Variants in ACAD9 observed in about 807,000 individuals in gnomAD.
ACAD9 encodes the protein acyl-CoA dehydrogenase family member 9, also known as complex I assembly factor ACAD9, mitochondrial.
In ACAD9, 53 loss-of-function variants were observed where a neutral mutation model predicts 70.2. That is an observed-to-expected ratio of 0.75 (90% CI 0.61 to 0.95). ACAD9 has a LOEUF of 0.95. Ranked by LOEUF, ACAD9 falls within the 40% of genes least tolerant of loss-of-function variation. The pLI is 0.00. For missense variants in ACAD9, 777 were observed against 802.8 expected, an observed-to-expected ratio of 0.97 and a Z score of 0.39; for synonymous variants, 313 against 312.1, an observed-to-expected ratio of 1.00 and a Z score of -0.03.
Position 128,879,771 on chromosome 3 carries a change from G to C in ACAD9, c.80G>C (p.Arg27Pro). Residue 27 changes from arginine (R) to proline (P), a missense_variant, in exon 1 of 18, where the codon CGG becomes CCG. Transcript: ENST00000308982. ...GGTCTGGTGGTCTCTACCGCGAACC[G>C]GCGGCTACTGCGCACCAGCCCGCCT... ...CRGLVVSTAN[R>P]RLLRTSPPVR... The C allele has an allele frequency of 6.2e-7, 1 of 1,613,666 alleles. No homozygotes were observed. Among genetic ancestry groups the C allele is most frequent in the Non-Finnish European group, 8.5e-7 (1 of 1,180,018 alleles).
intron 7 of ACAD9, among the ~76,000 whole-genome samples, chr3:128,900,505 G>A (rs929751107): frequency 2.6e-5 from 4 of 151,078 alleles, no homozygotes; most frequent in African/African-American, 4.9e-5. Context: ...CCCAAAGTGC[G>A]TGAGCCACCG....
chr3:128,908,356 C>CTGGAG, intron 13 of ACAD9, 92 bp downstream of exon 13: 1 of 1,461,904 alleles, frequency 6.8e-7, no homozygotes, highest in East Asian at 2.3e-5. Flanking sequence ...CTGCCTTGAC[C>CTGGAG]TGGAGTGGGG....
intron 8 of ACAD9, 112 bp downstream of exon 8, chr3:128,901,461 G>A: frequency 8.3e-7 from 1 of 1,201,886 alleles, no homozygotes; most frequent in South Asian, 1.2e-5. Context: ...CATGGCAGGT[G>A]ACTTTGCATG....
Position 128,902,403 on chromosome 3 carries a change from C to A in ACAD9, c.883-150C>A. ...TGTGGGGATGTTGGTAGAGCTGCAA[C>A]AGTGACTGAACCACCTTGTTCTGAG... On this transcript the variant is annotated intron_variant, in intron 8 of 17. Coordinates refer to ENST00000308982, the MANE Select transcript of ACAD9 (RefSeq NM_014049.5). This position sits in a 1 kb window ranked among gnomAD's most constrained non-coding sequence, Gnocchi z 4.0. 1.4e-6 allele frequency: 1 copy of A among 737,138 alleles called. No individual in the cohort carries two copies. The highest frequency in any genetic ancestry group is 2.4e-6 in the Non-Finnish European group (1 of 410,522). 45.7% of individuals were successfully genotyped at this position (737,138 alleles called of 1,614,324 possible).
At position 128,913,079 on chromosome 3, in the gene ACAD9, C is replaced by CAAAGA. The variant is rs1214364515; in HGVS notation, c.*474_*478dup. ...AAAACATGTACCAGGAACCATTTAA[C>CAAAGA]AAAGAATATAAAATGTCACAATCTG... On this transcript the variant is annotated 3_prime_UTR_variant, in exon 18 of 18. Coordinates refer to ENST00000308982, the MANE Select transcript of ACAD9 (RefSeq NM_014049.5). The CAAAGA allele has an allele frequency of 2.2e-6, 1 of 453,800 alleles. No homozygotes were observed. The highest frequency in any genetic ancestry group is 2.3e-5 in the Admixed American group (1 of 42,574). 28.1% of individuals were successfully genotyped at this position (453,800 alleles called of 1,614,324 possible).
intron 2 of ACAD9, among the ~76,000 whole-genome samples, chr3:128,890,916 A>G (rs950225979): frequency 7.4e-5 from 11 of 148,400 alleles, no homozygotes; most frequent in African/African-American, 2.8e-4. Flanking sequence ...ATCTTGGCCC[A>G]CTACAACCTC....
intron 15 of ACAD9, 159 bp downstream of exon 15, chr3:128,909,580 G>A (rs1936052031): frequency 1.3e-6 from 1 of 782,536 alleles, no homozygotes; most frequent in Non-Finnish European, 2.1e-6. Context: ...GACTTTGTCA[G>A]CCTGGGGCCC....
Position 128,912,555 on chromosome 3 carries a change from TCCTTGAGAAGCGAG to T in ACAD9, c.1818_1831del (p.Glu607TyrfsTer31). ...CAGATTAAGAAAGTGTCCCAGCAGA[TCCTTGAGAAGCGAG>T]CCTATATCTGTGCCCACCCTCTGGA... is the stretch of plus-strand genomic sequence containing the variant. On this transcript the variant is annotated frameshift_variant, in exon 18 of 18. Coordinates refer to ENST00000308982, the MANE Select transcript of ACAD9 (RefSeq NM_014049.5). LOFTEE classifies it high-confidence loss of function. 6.2e-7 allele frequency: 1 copy of T among 1,614,096 alleles called. No individual in the cohort carries two copies. The highest frequency in any genetic ancestry group is 8.5e-7 in the Non-Finnish European group (1 of 1,180,002).
At position 128,897,656 on chromosome 3, in the gene ACAD9, G is replaced by C; in HGVS notation, c.579G>C (p.Arg193=). ...GTGGGAGCGATGCAGCCTCAATCCGGAGCAGAGCCACACTAAGTGAAGACA... is the reference window on the plus strand; with the variant it reads ...GTGGGAGCGATGCAGCCTCAATCCGCAGCAGAGCCACACTAAGTGAAGACA... ...PASGSDAASI[R]SRATLSEDKK... is the part of the protein sequence containing the mutation. The change falls in exon 6 of 18, where the codon CGG becomes CGC. Residue 193 remains arginine, a synonymous_variant. Transcript: ENST00000308982. 6.2e-7 allele frequency: 1 copy of C among 1,613,802 alleles called. No individual in the cohort carries two copies. Among genetic ancestry groups the C allele is most frequent in the Non-Finnish European group, 8.5e-7 (1 of 1,179,882 alleles).
intron 1 of ACAD9, 167 bp downstream of exon 1, chr3:128,880,008 C>T (rs1935040176): frequency 6.5e-7 from 1 of 1,547,858 alleles, no homozygotes; most frequent in South Asian, 1.2e-5. Flanking sequence ...AAAACCTTCC[C>T]AGAGAAAGGG....
intron 2 of ACAD9, among the ~76,000 whole-genome samples, chr3:128,887,566 C>A (rs1248082354): frequency 6.6e-6 from 1 of 150,530 alleles, no homozygotes; most frequent in Non-Finnish European, 1.5e-5. Flanking sequence ...TGTGTTCATG[C>A]CATTGAGCTC....
chr3:128,910,178 C>T, intron 16 of ACAD9, 29 bp downstream of exon 16: 1 of 1,613,718 alleles, frequency 6.2e-7, no homozygotes, highest in Non-Finnish European at 8.5e-7. Flanking sequence ...CACACAGGGC[C>T]TGGCTGCTGC....
chr3:128,896,543 C>T lies in ACAD9; in HGVS notation c.554+7C>T. 1 of 1,613,892 alleles carries T rather than the reference C, an allele frequency of 6.2e-7. No individual in the cohort carries two copies. The highest frequency in any genetic ancestry group is 1.3e-5 in the African/African-American group (1 of 75,038). ...GCCTCACGGAGCCAGCCAGGTCTGT[C>T]TCTGCACAAAACGTTATCCCTCAGC... On this transcript the variant is annotated splice_region_variant and intron_variant, in intron 5 of 17. Coordinates refer to ENST00000308982, the MANE Select transcript of ACAD9 (RefSeq NM_014049.5).
intron 2 of ACAD9, 137 bp from the exon 3 acceptor site, chr3:128,893,418 A>G (rs1935478155): frequency 1.4e-6 from 1 of 701,970 alleles, no homozygotes. Context: ...CCAAATGACC[A>G]TGACTACAGA....
At chr3:128,903,044 G>C (rs1162110560) in intron 9 of ACAD9, among the ~76,000 whole-genome samples, 1 of 152,076 alleles carries the variant, frequency 6.6e-6, no homozygotes, top group Non-Finnish European at 1.5e-5. Flanking sequence ...TCTGCATGGT[G>C]GGTGGGGAGT....
intron 1 of ACAD9, chr3:128,880,176 G>A: frequency 1.8e-6 from 1 of 558,226 alleles, no homozygotes. Context: ...CTTCCTCTCT[G>A]ATTCCTAAAC....
chr3:128,887,043 A>G (rs1935270975), intron 2 of ACAD9, among the ~76,000 whole-genome samples: 1 of 151,970 alleles, frequency 6.6e-6, no homozygotes, highest in African/African-American at 2.4e-5. Flanking sequence ...CTCATGCCTC[A>G]GCTTCCTGAG....
intron 2 of ACAD9, among the ~76,000 whole-genome samples, chr3:128,890,327 C>T (rs1292244107): frequency 6.6e-6 from 1 of 152,122 alleles, no homozygotes; most frequent in Non-Finnish European, 1.5e-5. Context: ...CTCAGGTGAT[C>T]TGCCCGACTC....
intron 1 of ACAD9, among the ~76,000 whole-genome samples, chr3:128,880,475 A>G (rs139815361): frequency 2.4e-4 from 37 of 151,078 alleles, no homozygotes; most frequent in Non-Finnish European, 4.0e-4. Context: ...GCTCACTGCA[A>G]CCTCCCTCCT....
Sources: gnomAD v4.1 joint callset for allele counts (sites outside exome capture counted in the v4.1 genomes callset) on GRCh38, gnomAD v4.1.1 for gene constraint, Gnocchi (gnomAD v3.1) non-coding constraint, MANE v1.5 for transcripts, NCBI Gene and HGNC (gene_info 2026-07-23, HGNC 2026-07-21) for gene names.